The following UBE2D3 variants were observed in gnomAD, a reference collection of about 807,000 sequenced individuals.
UBE2D3 encodes ubiquitin-conjugating enzyme E2 D3.
UBE2D3 carries 2 observed loss-of-function variants against 22.8 expected under a neutral mutation model. That is an observed-to-expected ratio of 0.09 (90% CI 0.04 to 0.28). UBE2D3 has a LOEUF of 0.28. Ranked by LOEUF, UBE2D3 falls within the 10% of genes least tolerant of loss-of-function variation. The pLI, the probability that UBE2D3 is intolerant of heterozygous loss-of-function variation, is 1.00. For missense variants in UBE2D3, 27 were observed against 182.5 expected, an observed-to-expected ratio of 0.15 and a Z score of 4.91; for synonymous variants, 56 against 60.4, an observed-to-expected ratio of 0.93 and a Z score of 0.34.
upstream of UBE2D3, among the ~76,000 whole-genome samples, chr4:102,830,671 C>T (rs1578277369): frequency 6.6e-6 from 1 of 152,266 alleles, no homozygotes; most frequent in Middle Eastern, 3.4e-3. Context: ...TGAGACCAGC[C>T]TGGATAACAT....
At chr4:102,806,833 C>T (rs1342534597) in intron 4 of UBE2D3, among the ~76,000 whole-genome samples, 2 of 152,036 alleles carry the variant, frequency 1.3e-5, no homozygotes, top group Admixed American at 6.6e-5. Context: ...CAGTACCCCA[C>T]GCCCCCCTCC....
At chr4:102,848,921 C>CCG (rs1491344269) in intron 1 of UBE2D3, among the ~76,000 whole-genome samples, 1 of 142,738 alleles carries the variant, frequency 7.0e-6, no homozygotes, top group Non-Finnish European at 1.5e-5. Flanking sequence ...TTATGTGTGC[C>CCG]TGTGTGTGTG....
Position 102,795,402 on chromosome 4 carries a change from G to C in UBE2D3, c.*2013C>G, listed in dbSNP as rs1158638191. 1 of 152,034 alleles carries C rather than the reference G, an allele frequency of 6.6e-6. No homozygotes were observed. Among genetic ancestry groups the C allele is most frequent in the African/African-American group, 2.4e-5 (1 of 41,436 alleles). The allele number at this position is 152,034 out of a possible 1,614,324, so 9.4% of individuals were successfully genotyped here. On this transcript the variant is annotated 3_prime_UTR_variant, in exon 8 of 8. Transcript: ENST00000453744. ...CATCTCAGAAGTAATTTTGAAAATA[G>C]AGCCAAAGAGCAGTTTTTCTTACCT...
intron 1 of UBE2D3, among the ~76,000 whole-genome samples, chr4:102,855,471 A>G (rs887506702): frequency 6.6e-6 from 1 of 152,216 alleles, no homozygotes; most frequent in African/African-American, 2.4e-5. Context: ...CTGTTGCCCA[A>G]GCTGGAGCAA....
At chr4:102,859,093 A>C (rs554593286) in intron 1 of UBE2D3, among the ~76,000 whole-genome samples, 1 of 151,888 alleles carries the variant, frequency 6.6e-6, no homozygotes, top group Non-Finnish European at 1.5e-5. Context: ...CTTGTGAGGC[A>C]GGTCTAGTGG....
chr4:102,798,373 C>G (rs1238006581), intron 7 of UBE2D3, among the ~76,000 whole-genome samples: 1 of 148,332 alleles, frequency 6.7e-6, no homozygotes, highest in Non-Finnish European at 1.5e-5. Flanking sequence ...GGTCCAACAA[C>G]TTTCCTAAAC....
At chr4:102,851,690 G>A (rs1443301697) in intron 1 of UBE2D3, among the ~76,000 whole-genome samples, 6 of 146,106 alleles carry the variant, frequency 4.1e-5, no homozygotes, top group South Asian at 2.1e-4. Context: ...TTTTTGAGAC[G>A]GAGTCTTGCT....
intron 4 of UBE2D3, among the ~76,000 whole-genome samples, chr4:102,802,946 T>C (rs529664209): frequency 6.6e-6 from 1 of 152,298 alleles, no homozygotes; most frequent in South Asian, 2.1e-4. Flanking sequence ...GCCTACATAA[T>C]CATGTTTCAG....
intron 2 of UBE2D3, among the ~76,000 whole-genome samples, chr4:102,823,994 G>C (rs1560871128): frequency 6.6e-6 from 1 of 152,290 alleles, no homozygotes; most frequent in East Asian, 1.9e-4. Flanking sequence ...CATATTTCTA[G>C]AAGAGGTGCC....
chr4:102,805,812 T>C (rs1726937907), intron 4 of UBE2D3, among the ~76,000 whole-genome samples: 1 of 152,232 alleles, frequency 6.6e-6, no homozygotes, highest in Admixed American at 6.5e-5. Flanking sequence ...GGATATCTCA[T>C]GTCATGCGTC....
chr4:102,851,474 G>A (rs1198748380), intron 1 of UBE2D3, among the ~76,000 whole-genome samples: 2 of 152,200 alleles, frequency 1.3e-5, no homozygotes, highest in Non-Finnish European at 2.9e-5. Context: ...AATAAATCAT[G>A]TTGTTTTAAG....
upstream of UBE2D3, among the ~76,000 whole-genome samples, chr4:102,831,978 A>G (rs547481842): frequency 4.6e-5 from 7 of 152,224 alleles, no homozygotes; most frequent in Non-Finnish European, 1.0e-4. Context: ...CACTGAAGAT[A>G]CATAAAAGAC....
At chr4:102,847,960 C>T (rs1350080813) in intron 1 of UBE2D3, among the ~76,000 whole-genome samples, 3 of 152,070 alleles carry the variant, frequency 2.0e-5, no homozygotes, top group Non-Finnish European at 2.9e-5. Context: ...GTATGCCTAG[C>T]GTTCCATTAT....
intron 1 of UBE2D3, chr4:102,843,309 T>A (rs1474780745): frequency 6.6e-6 from 1 of 152,324 alleles, no homozygotes; most frequent in East Asian, 1.9e-4. Flanking sequence ...CATTTTTTTT[T>A]TTTTATTTGA....
chr4:102,868,745 T>A (rs1177853063), exon 1 of UBE2D3: 4 of 1,613,988 alleles, frequency 2.5e-6, no homozygotes, highest in Non-Finnish European at 3.4e-6. Context: ...TAGAAAGCAT[T>A]CTCACATGCT....
intron 2 of UBE2D3, among the ~76,000 whole-genome samples, 193 bp downstream of exon 2, chr4:102,826,292 C>T (rs912174771): frequency 6.6e-6 from 1 of 152,168 alleles, no homozygotes; most frequent in Non-Finnish European, 1.5e-5. Flanking sequence ...CCTCACTTGC[C>T]ACAAGTGTTC....
At chr4:102,797,925 A>G (rs770616898) in intron 7 of UBE2D3, among the ~76,000 whole-genome samples, 1 of 151,952 alleles carries the variant, frequency 6.6e-6, no homozygotes, top group Admixed American at 6.6e-5. Flanking sequence ...CCTGGATATT[A>G]CAAGAAAAAA....
chr4:102,818,408 C>T (rs1729079766), intron 2 of UBE2D3, among the ~76,000 whole-genome samples: 1 of 152,136 alleles, frequency 6.6e-6, no homozygotes, highest in Non-Finnish European at 1.5e-5. Context: ...GGAAAAAATA[C>T]TTGTATTTAA....
chr4:102,834,078 G>A (rs57970082), intron 1 of UBE2D3, among the ~76,000 whole-genome samples: 2,761 of 152,198 alleles, frequency 0.018, 80 homozygotes, highest in African/African-American at 0.06. Flanking sequence ...GTATGTTTTG[G>A]GTTAGTGCTG....
Sources: allele counts gnomAD v4.1 joint callset (sites outside exome capture counted in the v4.1 genomes callset), GRCh38; gene constraint gnomAD v4.1.1; transcripts MANE v1.5; gene names NCBI Gene and HGNC (gene_info 2026-07-23, HGNC 2026-07-21).